The following PI4KA variants were observed in gnomAD, a reference collection of about 807,000 sequenced individuals.
PI4KA encodes the protein PI4-kinase alpha.
Under a neutral mutation model 271.4 loss-of-function variants are expected in PI4KA, and 122 were observed. The ratio of observed to expected loss-of-function variants is 0.45; its 90% CI spans 0.39 to 0.52. The LOEUF (loss-of-function observed/expected upper bound fraction) is 0.52, where lower values mean the gene tolerates loss of function less well. PI4KA is among the 20% of genes least tolerant of loss of function. PI4KA has a pLI of 0.00. For synonymous variants in PI4KA, 1,041 were observed against 1,078.8 expected, an observed-to-expected ratio of 0.96 and a Z score of 0.69; for missense variants, 1,969 against 2,769.1, an observed-to-expected ratio of 0.71 and a Z score of 6.48.
chr22:20,780,562 G>A (rs1225711522), intron 19 of PI4KA, among the ~76,000 whole-genome samples: 1 of 152,132 alleles, frequency 6.6e-6, no homozygotes, highest in Non-Finnish European at 1.5e-5. Context: ...GAGGTCAGGA[G>A]TTCGAGATCA....
intron 45 of PI4KA, 99 bp from the exon 46 acceptor site, chr22:20,714,799 A>G (rs1272189334): frequency 5.0e-6 from 7 of 1,394,416 alleles, no homozygotes; most frequent in Non-Finnish European, 6.8e-6. Flanking sequence ...TCCACCCTGC[A>G]GGCACACCCC....
At chr22:20,714,378 A>G in intron 47 of PI4KA, 80 bp downstream of exon 47, 1 of 1,513,386 alleles carries the variant, frequency 6.6e-7, no homozygotes, top group East Asian at 2.4e-5. Flanking sequence ...GCTATACTAA[A>G]TTTAACACAT....
chr22:20,833,842 T>C (rs1924529642), intron 3 of PI4KA, among the ~76,000 whole-genome samples: 1 of 151,688 alleles, frequency 6.6e-6, no homozygotes, highest in Non-Finnish European at 1.5e-5. Context: ...GTACTTTTAG[T>C]AGAGATAGAG....
chr22:20,718,027 G>C (rs565717629), intron 44 of PI4KA, among the ~76,000 whole-genome samples: 1 of 152,164 alleles, frequency 6.6e-6, no homozygotes, highest in Admixed American at 6.5e-5. Flanking sequence ...TGTGTGGCTG[G>C]GGGTGGTGGG....
chr22:20,747,444 C>T, intron 29 of PI4KA, 139 bp downstream of exon 29: 2 of 803,116 alleles, frequency 2.5e-6, no homozygotes, highest in Non-Finnish European at 3.8e-6. Flanking sequence ...TGCACCACTA[C>T]CATTGTCAAC....
At chr22:20,769,460 G>A (rs1932778720) in intron 19 of PI4KA, among the ~76,000 whole-genome samples, 1 of 152,106 alleles carries the variant, frequency 6.6e-6, no homozygotes, top group Non-Finnish European at 1.5e-5. Flanking sequence ...AGGAGGTCAG[G>A]AGATCGAGAT....
At chr22:20,738,558 C>A (rs1351778016) in intron 32 of PI4KA, among the ~76,000 whole-genome samples, 1 of 152,130 alleles carries the variant, frequency 6.6e-6, no homozygotes, top group African/African-American at 2.4e-5. Flanking sequence ...CACTATGGGA[C>A]CTGGACAGGT....
intron 32 of PI4KA, among the ~76,000 whole-genome samples, chr22:20,740,410 G>C (rs1033520468): frequency 2.1e-5 from 3 of 146,262 alleles, no homozygotes; most frequent in African/African-American, 7.5e-5. Flanking sequence ...GAGAGAGAAT[G>C]AAGTAAAAAA....
In PI4KA at chr22:20,820,585, C is replaced by A. The variant is rs2147698550; in HGVS notation, c.483G>T (p.Leu161Phe). The part of the protein sequence containing the change: ...DEILEVLLQV[L>F]HVLLGMCQAL... The stretch of plus-strand genomic sequence containing the variant: ...CCTGGCACATCCCCAAGAGGACATG[C>A]AAAACCTGCAAAAGCACCTCTAAAA... The change falls in exon 5 of 55, where the codon TTG (leucine) becomes TTT (phenylalanine). Residue 161 changes from leucine to phenylalanine, a missense_variant. Around this residue, in one of 13 missense-constraint regions of PI4KA, gnomAD observed 540 missense variants for 555.5 expected, o/e 0.97. Coordinates refer to ENST00000255882, the MANE Select transcript of PI4KA (RefSeq NM_058004.4). 6.2e-7 allele frequency: 1 copy of A among 1,609,970 alleles called. No individual in the cohort carries two copies. The highest frequency in any genetic ancestry group is 1.7e-4 in the Middle Eastern group (1 of 6,044).
rs146943439 is a variant in PI4KA, at chr22:20,813,493, G to A, written c.870C>T (p.Pro290=). The A allele has an allele frequency of 5.4e-4, 866 of 1,613,834 alleles. 4 individuals carry two copies. In the African/African-American group the frequency reaches 9.4e-3, roughly 18 times the overall value. ...AFHYFEASCL[P]DGTALEPEYY... is the part of the protein sequence containing the mutation. ...ACTCAGGCTCTAGGGCAGTCCCATC[G>A]GGCAAGCAGGAGGCTGGTGGGAGAT... Residue 290 remains proline (P), a synonymous_variant, in exon 8 of 55, where the codon CCC becomes CCT. Transcript: ENST00000255882.
intron 39 of PI4KA, among the ~76,000 whole-genome samples, chr22:20,728,096 A>C (rs1347338111): frequency 1.3e-5 from 2 of 152,194 alleles, no homozygotes; most frequent in African/African-American, 4.8e-5. Flanking sequence ...AATAACTTTA[A>C]AAGAGTGTAA....
chr22:20,767,325 T>C (rs904948804), intron 19 of PI4KA, among the ~76,000 whole-genome samples: 1 of 151,768 alleles, frequency 6.6e-6, no homozygotes, highest in Non-Finnish European at 1.5e-5. Flanking sequence ...GCGCCTATAG[T>C]CCCAGCTACT....
At chr22:20,727,130 G>C (rs1927447930) in intron 41 of PI4KA, 100 bp downstream of exon 41, 2 of 1,070,584 alleles carry the variant, frequency 1.9e-6, no homozygotes, top group East Asian at 2.6e-5. Context: ...GTATGTAACG[G>C]GGCGACCTCA....
rs188116982 is a variant in PI4KA at position 20,756,063 on chromosome 22, A to T, written c.2792-2883T>A. ...AAGAGGCCTTTCATAGCTATCTGTTATAAGGGTAAGTGGGACCGCAGCAAT... is the reference window on the plus strand; with the variant it reads ...AAGAGGCCTTTCATAGCTATCTGTTTTAAGGGTAAGTGGGACCGCAGCAAT... On this transcript the variant is annotated intron_variant, in intron 23 of 54. Coordinates refer to ENST00000255882, the MANE Select transcript of PI4KA (RefSeq NM_058004.4). Among the ~76,000 whole-genome samples, 13 of 152,270 alleles carry T rather than the reference A, an allele frequency of 8.5e-5. No homozygotes were observed. The East Asian group carries it at 1.4e-3, about 16-fold the overall frequency.
intron 19 of PI4KA, among the ~76,000 whole-genome samples, chr22:20,778,422 T>G (rs1933475018): frequency 6.6e-6 from 1 of 152,082 alleles, no homozygotes; most frequent in Non-Finnish European, 1.5e-5. Context: ...GAGAATTGCT[T>G]GAGTCCAGGA....
At chr22:20,810,830 T>A in intron 9 of PI4KA, 137 bp downstream of exon 9, 1 of 727,998 alleles carries the variant, frequency 1.4e-6, no homozygotes, top group Non-Finnish European at 2.5e-6. Flanking sequence ...GGCAGGTGGA[T>A]TGTTACCACA....
At chr22:20,758,226 G>A (rs907102743) in intron 23 of PI4KA, among the ~76,000 whole-genome samples, 30 of 151,886 alleles carry the variant, frequency 2.0e-4, no homozygotes, top group Admixed American at 1.6e-3. Flanking sequence ...TTAGCCAGGC[G>A]TGGTGGTGGG....
intron 23 of PI4KA, among the ~76,000 whole-genome samples, chr22:20,757,512 T>G (rs1931438764): frequency 6.6e-6 from 1 of 151,874 alleles, no homozygotes; most frequent in Admixed American, 6.6e-5. Flanking sequence ...TTTATGAATA[T>G]TCTCTAGAAG....
intron 3 of PI4KA, among the ~76,000 whole-genome samples, chr22:20,833,488 C>T (rs1328593786): frequency 6.6e-6 from 1 of 152,100 alleles, no homozygotes; most frequent in Non-Finnish European, 1.5e-5. Context: ...GGTCTGTGTG[C>T]ACATTTGCAC....
Sources: allele counts gnomAD v4.1 joint callset (sites outside exome capture counted in the v4.1 genomes callset), GRCh38; gene constraint gnomAD v4.1.1; regional missense constraint gnomAD v4.1.1; transcripts MANE v1.5; gene names NCBI Gene and HGNC (gene_info 2026-07-23, HGNC 2026-07-21).